Variants in FAM131C observed in about 807,000 individuals in gnomAD.
FAM131C encodes the protein protein FAM131C.
FAM131C carries 14 observed loss-of-function variants against 29.8 expected under a neutral mutation model. The observed-to-expected ratio is 0.47, with a 90% CI of 0.31 to 0.73. The LOEUF is 0.73. Among genes scored for constraint, FAM131C ranks in the 30% least tolerant of loss-of-function variants. The pLI is 0.05. For missense variants in FAM131C, 252 were observed against 383.8 expected (o/e 0.66, Z 2.87); for synonymous variants, 86 against 157.8 (o/e 0.54, Z 3.41).
chr1:16,059,506 C>G lies in FAM131C; in HGVS notation c.550G>C (p.Val184Leu). 1.9e-6 allele frequency: 3 copies of G among 1,610,708 alleles called. No homozygotes were observed. Among genetic ancestry groups the G allele is most frequent in the Non-Finnish European group, 2.5e-6 (3 of 1,178,536 alleles). Residue 184 changes from valine (V) to leucine (L), a missense_variant, in exon 6 of 7, where the codon GTC (valine) becomes CTC (leucine). Around this residue, in one of 6 missense-constraint regions of FAM131C, gnomAD observed 33 missense variants for 54.0 expected, o/e 0.61. Coordinates refer to ENST00000375662, the MANE Select transcript of FAM131C (RefSeq NM_182623.3). ...LHPENSPQGIVQLQDLESIYL... is the reference protein window; with the variant it reads ...LHPENSPQGILQLQDLESIYL... Reference sequence around the variant, plus strand: ...CTCTGGGCTGTACCTTGGAGCTGGACGATGCCTTGGGGGCTGTTCTCGGGG... The same window carrying G: ...CTCTGGGCTGTACCTTGGAGCTGGAGGATGCCTTGGGGGCTGTTCTCGGGG...
At chr1:16,063,952 C>T (rs1044799840) in intron 1 of FAM131C, among the ~76,000 whole-genome samples, 7 of 152,100 alleles carry the variant, frequency 4.6e-5, no homozygotes, top group South Asian at 2.1e-4. Flanking sequence ...TAGATCCTCC[C>T]GTCCTCTTTT....
chr1:16,067,286 G>A (rs1381962748), intron 1 of FAM131C, among the ~76,000 whole-genome samples: 1 of 152,146 alleles, frequency 6.6e-6, no homozygotes, highest in Non-Finnish European at 1.5e-5. Context: ...TGAAATCACA[G>A]GCTGTTCTTC....
chr1:16,070,289 T>G (rs1342757088), intron 1 of FAM131C, among the ~76,000 whole-genome samples: 1 of 152,152 alleles, frequency 6.6e-6, no homozygotes, highest in Non-Finnish European at 1.5e-5. Context: ...CAACAAACGG[T>G]AGCTTAAAAA....
Position 16,058,239 on chromosome 1 carries a change from C to G in FAM131C, c.*198G>C. On this transcript the variant is annotated 3_prime_UTR_variant, in exon 7 of 7. Coordinates refer to ENST00000375662, the MANE Select transcript of FAM131C (RefSeq NM_182623.3). ...GTAATGAAGGGGGAGGGGGTTATGG[C>G]TCCCACTGCTGGGGCAGGTCCACCG... The G allele has an allele frequency of 2.3e-6, 1 of 443,062 alleles. No individual in the cohort carries two copies. The allele number at this position is 443,062 out of a possible 1,614,324, so 27.4% of individuals were successfully genotyped here.
At chr1:16,073,161 CG>C (rs2023774564) in intron 1 of FAM131C, among the ~76,000 whole-genome samples, 1 of 152,070 alleles carries the variant, frequency 6.6e-6, no homozygotes, top group South Asian at 2.1e-4. Flanking sequence ...GAGCGCGGCA[CG>C]GCACGGGACC....
At chr1:16,070,003 G>A (rs1299752393) in intron 1 of FAM131C, among the ~76,000 whole-genome samples, 1 of 152,056 alleles carries the variant, frequency 6.6e-6, no homozygotes, top group Non-Finnish European at 1.5e-5. Context: ...GGGCTCAAGC[G>A]ATCCTCCCGC....
At chr1:16,072,485 C>A (rs1353102358) in intron 1 of FAM131C, among the ~76,000 whole-genome samples, 1 of 152,126 alleles carries the variant, frequency 6.6e-6, no homozygotes, top group African/African-American at 2.4e-5. Flanking sequence ...CCAAAGCCAC[C>A]CCCACTCCCA....
intron 1 of FAM131C, among the ~76,000 whole-genome samples, chr1:16,068,651 C>T (rs529845972): frequency 9.2e-5 from 14 of 152,192 alleles, no homozygotes; most frequent in Admixed American, 3.3e-4. Flanking sequence ...TCACCTGAGC[C>T]GTGACAATAG....
At chr1:16,070,589 C>T (rs1467255760) in intron 1 of FAM131C, among the ~76,000 whole-genome samples, 3 of 152,002 alleles carry the variant, frequency 2.0e-5, no homozygotes, top group East Asian at 1.9e-4. Context: ...GCCAGGAGTT[C>T]GAGATAAGCC....
At chr1:16,061,302 T>C (rs1159598220) in intron 4 of FAM131C, among the ~76,000 whole-genome samples, 5 of 151,530 alleles carry the variant, frequency 3.3e-5, no homozygotes, top group Non-Finnish European at 5.9e-5. Flanking sequence ...GCACTGGAGA[T>C]GGAGGAAAGG....
At chr1:16,070,389 G>A (rs1375421510) in intron 1 of FAM131C, among the ~76,000 whole-genome samples, 2 of 152,118 alleles carry the variant, frequency 1.3e-5, no homozygotes, top group African/African-American at 4.8e-5. Context: ...AGCACCTCGA[G>A]TGCCTGCCAC....
At chr1:16,069,312 C>A (rs1474700510) in intron 1 of FAM131C, among the ~76,000 whole-genome samples, 1 of 152,170 alleles carries the variant, frequency 6.6e-6, no homozygotes, top group Non-Finnish European at 1.5e-5. Context: ...CTGTGAGCTC[C>A]CGAAGGGCAA....
intron 3 of FAM131C, 111 bp downstream of exon 3, chr1:16,062,380 GCCCCCCCC>G: frequency 1.2e-6 from 1 of 858,418 alleles, no homozygotes; most frequent in Non-Finnish European, 1.6e-6. Flanking sequence ...GTTTCATCAG[GCCCCCCCC>G]CCCCCCGCCC....
intron 1 of FAM131C, among the ~76,000 whole-genome samples, chr1:16,065,288 G>A (rs1324255667): frequency 6.6e-6 from 1 of 152,106 alleles, no homozygotes; most frequent in East Asian, 1.9e-4. Context: ...CCGGGGCCAC[G>A]CAGTCAACCG....
At chr1:16,068,425 T>C (rs2124134370) in intron 1 of FAM131C, among the ~76,000 whole-genome samples, 1 of 152,322 alleles carries the variant, frequency 6.6e-6, no homozygotes, top group East Asian at 1.9e-4. Flanking sequence ...TGTCTCTCTC[T>C]GGACAATGGG....
chr1:16,062,553 G>T lies in FAM131C; in HGVS notation c.139-19C>A, dbSNP rs1386348250. 20 of 1,569,594 alleles carry T rather than the reference G, an allele frequency of 1.3e-5. No homozygotes were observed. The highest frequency in any genetic ancestry group is 1.5e-5 in the Non-Finnish European group (17 of 1,157,432). The stretch of plus-strand genomic sequence containing the variant: ...GTTTGTCCTAAAACAAGAGGAGAGA[G>T]AGGATCAGGCAGGGCCTGGCACGCT... On this transcript the variant is annotated intron_variant, in intron 2 of 6. Coordinates refer to ENST00000375662, the MANE Select transcript of FAM131C (RefSeq NM_182623.3).
intron 1 of FAM131C, among the ~76,000 whole-genome samples, chr1:16,069,811 G>A (rs1042021161): frequency 2.0e-5 from 3 of 152,200 alleles, no homozygotes; most frequent in Non-Finnish European, 2.9e-5. Flanking sequence ...GCCCAGGCTA[G>A]AGTGCGGTGG....
In FAM131C at chr1:16,063,749, A is replaced by G. The variant is rs2023639186; in HGVS notation, c.23-113T>C. 9 of 651,520 alleles carry G rather than the reference A, an allele frequency of 1.4e-5. No individual in the cohort carries two copies. In the South Asian group the frequency reaches 1.4e-4, roughly 10 times the overall value. 40.4% of individuals were successfully genotyped at this position (651,520 alleles called of 1,614,324 possible). A position where few individuals can be genotyped will look rare whatever the true frequency, so the allele number is the denominator to read the frequency against. ...TATGGCCTTGTTTTTATCCAACAAC[A>G]TCGTAGAGAAAGCAGACTCAAGTCC... On this transcript the variant is annotated intron_variant, in intron 1 of 6. Transcript: ENST00000375662.
rs1553129295 is a variant in FAM131C, at chr1:16,062,388, C to CA, written c.174+110_174+111insT. 4.9e-6 allele frequency: 6 copies of CA among 1,227,664 alleles called. No homozygotes were observed. The African/African-American group carries it at 6.9e-5, about 14-fold the overall frequency. The allele number at this position is 1,227,664 out of a possible 1,614,324, so 76.0% of individuals were successfully genotyped here. On this transcript the variant is annotated intron_variant, in intron 3 of 6. Coordinates refer to ENST00000375662, the MANE Select transcript of FAM131C (RefSeq NM_182623.3). ...ACCCACTGTTTCATCAGGCCCCCCC[C>CA]CCCCCCGCCCCAGGGCCAGCAGGAC...
Sources: allele counts gnomAD v4.1 joint callset (sites outside exome capture counted in the v4.1 genomes callset), GRCh38; gene constraint gnomAD v4.1.1; regional missense constraint gnomAD v4.1.1; transcripts MANE v1.5; gene names NCBI Gene and HGNC (gene_info 2026-07-23, HGNC 2026-07-21).